PBX3: variants seen among roughly 807,000 people sequenced by gnomAD.
PBX3 encodes the protein PBX homeobox 3.
A neutral mutation model predicts 48.5 loss-of-function variants in PBX3; 14 were observed. The ratio of observed to expected loss-of-function variants is 0.29; its 90% CI spans 0.19 to 0.45. PBX3 has a LOEUF of 0.45. PBX3 is among the 20% of genes least tolerant of loss of function. PBX3 has a pLI of 1.00. For missense variants in PBX3, 386 were observed against 546.7 expected (o/e 0.71, Z 2.93); for synonymous variants, 210 against 200.3 (o/e 1.05, Z -0.41).
Position 125,925,233 on chromosome 9 carries a change from G to A in PBX3, c.517-4422G>A, listed in dbSNP as rs151228870. ...TATATCAAAGATTACCTAGCATAGC[G>A]TTTCCCGAAGAGTTTTTCCTAGCAT... On this transcript the variant is annotated intron_variant, in intron 3 of 8. Transcript: ENST00000373489. Among the ~76,000 whole-genome samples, 297 of 152,220 alleles carry A rather than the reference G, an allele frequency of 2.0e-3. 1 individual carries two copies. The highest frequency in any genetic ancestry group is 4.2e-3 in the Admixed American group (64 of 15,290).
chr9:125,869,976 C>T (rs1003548737), intron 2 of PBX3, among the ~76,000 whole-genome samples: 2 of 151,420 alleles, frequency 1.3e-5, no homozygotes, highest in South Asian at 2.1e-4. Context: ...TCAGTGGACT[C>T]ACAGTTCCAC....
intron 2 of PBX3, among the ~76,000 whole-genome samples, chr9:125,767,814 A>T (rs768827424): frequency 3.9e-5 from 6 of 152,164 alleles, no homozygotes; most frequent in Non-Finnish European, 7.4e-5. Context: ...TTCTACAAAC[A>T]CTCAGACCAC....
chr9:125,783,873 C>T (rs1289912421), intron 2 of PBX3, among the ~76,000 whole-genome samples: 2 of 152,036 alleles, frequency 1.3e-5, no homozygotes, highest in African/African-American at 4.8e-5. Flanking sequence ...TGGTGGCGCA[C>T]GCCTATAATC....
chr9:125,875,358 A>G (rs755166831), intron 2 of PBX3, among the ~76,000 whole-genome samples: 10 of 152,120 alleles, frequency 6.6e-5, no homozygotes, highest in Non-Finnish European at 1.0e-4. Flanking sequence ...TATTGACTAT[A>G]CTGTTTGAGT....
intron 2 of PBX3, among the ~76,000 whole-genome samples, chr9:125,855,495 T>TA (rs1262542645): frequency 1.3e-5 from 2 of 152,282 alleles, no homozygotes; most frequent in East Asian, 3.9e-4. Context: ...GATCTTGACT[T>TA]ACTTTCTTCA....
chr9:125,863,874 TAAG>T (rs1411659195), intron 2 of PBX3, among the ~76,000 whole-genome samples: 1 of 152,214 alleles, frequency 6.6e-6, no homozygotes, highest in Non-Finnish European at 1.5e-5. Context: ...ATTCCCCAGT[TAAG>T]AACCTTTTAG....
chr9:125,868,703 T>C (rs1260475730), intron 2 of PBX3, among the ~76,000 whole-genome samples: 1 of 152,184 alleles, frequency 6.6e-6, no homozygotes, highest in Non-Finnish European at 1.5e-5. Context: ...AACTTGCCCA[T>C]GGCCCCAGGT....
chr9:125,884,371 A>T (rs920733607), intron 2 of PBX3, among the ~76,000 whole-genome samples: 1 of 152,250 alleles, frequency 6.6e-6, no homozygotes, highest in African/African-American at 2.4e-5. Context: ...TTGGCTTGAT[A>T]ACAGTGACAT....
intron 2 of PBX3, among the ~76,000 whole-genome samples, chr9:125,860,465 G>A (rs1324109884): frequency 6.6e-6 from 1 of 152,196 alleles, no homozygotes; most frequent in African/African-American, 2.4e-5. Flanking sequence ...GGGTAGTGCT[G>A]CAGTGATTGT....
At chr9:125,842,117 G>A (rs866300190) in intron 2 of PBX3, among the ~76,000 whole-genome samples, 2 of 152,190 alleles carry the variant, frequency 1.3e-5, no homozygotes, top group African/African-American at 2.4e-5. Context: ...TCTGCCTTCC[G>A]ATGATGAAGT....
Position 125,820,955 on chromosome 9 carries a change from AG to A in PBX3, c.274+72333del, listed in dbSNP as rs200596187. Among the ~76,000 whole-genome samples the A allele has an allele frequency of 3.5e-4, 54 of 152,354 alleles. No individual in the cohort carries two copies. The East Asian group carries it at 9.4e-3, about 27-fold the overall frequency. On this transcript the variant is annotated intron_variant, in intron 2 of 8. Coordinates refer to ENST00000373489, the MANE Select transcript of PBX3 (RefSeq NM_006195.6). ...TACTACTACAGTTGCTCAAAGCAAAAGAAAAGCAATGAAATTTTATTTTATA... is the reference window on the plus strand; with the variant it reads ...TACTACTACAGTTGCTCAAAGCAAAAAAAAGCAATGAAATTTTATTTTATA...
At chr9:125,848,780 AC>A (rs1839499388) in intron 2 of PBX3, among the ~76,000 whole-genome samples, 1 of 152,004 alleles carries the variant, frequency 6.6e-6, no homozygotes, top group African/African-American at 2.4e-5. Context: ...CCCTTATGGA[AC>A]TTACATTCTT....
At chr9:125,847,708 T>C (rs1244995221) in intron 2 of PBX3, among the ~76,000 whole-genome samples, 1 of 151,556 alleles carries the variant, frequency 6.6e-6, no homozygotes, top group African/African-American at 2.4e-5. Flanking sequence ...TGCTTTGCTG[T>C]AGTTTCCAAC....
chr9:125,932,347 A>G (rs755221743), intron 4 of PBX3, among the ~76,000 whole-genome samples: 20 of 150,780 alleles, frequency 1.3e-4, no homozygotes, highest in Non-Finnish European at 2.6e-4. Context: ...TTACGCAACT[A>G]TTCAGACTGA....
At chr9:125,923,610 G>A (rs1240007454) in intron 3 of PBX3, among the ~76,000 whole-genome samples, 1 of 152,134 alleles carries the variant, frequency 6.6e-6, no homozygotes, top group Admixed American at 6.5e-5. Flanking sequence ...GTGTCACCCA[G>A]GCTGGAGTAC....
chr9:125,747,750 G>A, intron 1 of PBX3, 97 bp downstream of exon 1: 1 of 898,414 alleles, frequency 1.1e-6, no homozygotes, highest in South Asian at 2.5e-5. Context: ...TAGGGCCGCA[G>A]CCCCCGGCGG....
At position 125,915,776 on chromosome 9, in the gene PBX3, G is replaced by C; in HGVS notation, c.365G>C (p.Gly122Ala). The C allele has an allele frequency of 6.2e-7, 1 of 1,614,098 alleles. No homozygotes were observed. Among genetic ancestry groups the C allele is most frequent in the Non-Finnish European group, 8.5e-7 (1 of 1,180,014 alleles). ...ATGCTTTTGGCAGAAGGGGTTTCAG[G>C]TCCTGAGAAAGGTGGGGGATCGGCG... ...DNMLLAEGVS[G>A]PEKGGGSAAA... is the part of the protein sequence containing the mutation. Residue 122 changes from glycine to alanine, a missense_variant, in exon 3 of 9, where the codon GGT becomes GCT. Gly to Ala is a moderately conservative substitution (Grantham distance 60, BLOSUM62 0). Around this residue, in one of 4 missense-constraint regions of PBX3, gnomAD observed 69 missense variants for 99.1 expected, o/e 0.70. Coordinates refer to ENST00000373489, the MANE Select transcript of PBX3 (RefSeq NM_006195.6).
intron 2 of PBX3, among the ~76,000 whole-genome samples, chr9:125,795,754 A>AT (rs1192328314): frequency 6.6e-6 from 1 of 152,232 alleles, no homozygotes; most frequent in Non-Finnish European, 1.5e-5. Context: ...GAAATGGAAG[A>AT]TTTAAAAATA....
At chr9:125,951,342 T>G (rs1842192137) in intron 5 of PBX3, among the ~76,000 whole-genome samples, 1 of 152,162 alleles carries the variant, frequency 6.6e-6, no homozygotes, top group South Asian at 2.1e-4. Context: ...CTTGGTCTTC[T>G]GTGGTAGGAA....
Sources: allele counts gnomAD v4.1 joint callset (sites outside exome capture counted in the v4.1 genomes callset), GRCh38; gene constraint gnomAD v4.1.1; regional missense constraint gnomAD v4.1.1; transcripts MANE v1.5; gene names NCBI Gene and HGNC (gene_info 2026-07-23, HGNC 2026-07-21).